The following HNF4G variants were observed in gnomAD, a reference collection of about 807,000 sequenced individuals.
The protein encoded by HNF4G is hepatocyte nuclear factor 4-gamma.
HNF4G carries 21 observed loss-of-function variants against 50.9 expected under a neutral mutation model. The ratio of observed to expected loss-of-function variants is 0.41; its 90% CI spans 0.29 to 0.59. The LOEUF (loss-of-function observed/expected upper bound fraction) is 0.59, where lower values mean the gene tolerates loss of function less well. Among genes scored for constraint, HNF4G ranks in the 20% least tolerant of loss-of-function variants. HNF4G has a pLI of 0.26. For missense variants in HNF4G, 527 were observed against 559.4 expected, an observed-to-expected ratio of 0.94 and a Z score of 0.58; for synonymous variants, 198 against 185.6, an observed-to-expected ratio of 1.07 and a Z score of -0.54.
chr8:75,485,368 T>C (rs2130667674), intron 1 of HNF4G, among the ~76,000 whole-genome samples: 1 of 152,316 alleles, frequency 6.6e-6, no homozygotes, highest in Admixed American at 6.5e-5. Context: ...ATCTTGTGAA[T>C]TGGCACACAA....
intron 1 of HNF4G, among the ~76,000 whole-genome samples, chr8:75,445,716 C>G (rs1811409756): frequency 7.1e-6 from 1 of 140,614 alleles, no homozygotes; most frequent in South Asian, 2.3e-4. Flanking sequence ...TACACTCTCC[C>G]AAGACTAAAC....
chr8:75,546,405 C>T (rs768043141), intron 2 of HNF4G, among the ~76,000 whole-genome samples: 1 of 151,970 alleles, frequency 6.6e-6, no homozygotes, highest in Non-Finnish European at 1.5e-5. Context: ...GTTAAGTATA[C>T]AAGTCAGTTT....
At chr8:75,540,179 C>T in intron 1 of HNF4G, 99 bp downstream of exon 1, 3 of 712,596 alleles carry the variant, frequency 4.2e-6, no homozygotes, top group Admixed American at 4.5e-5. Context: ...GTTTTTTTTG[C>T]TGGAGAGTTT....
At chr8:75,448,626 A>G (rs1471674013) in intron 1 of HNF4G, among the ~76,000 whole-genome samples, 2 of 151,804 alleles carry the variant, frequency 1.3e-5, no homozygotes, top group African/African-American at 4.8e-5. Flanking sequence ...GAAACTGATA[A>G]GTACTGCTGG....
At chr8:75,483,624 AT>A (rs1812431976) in intron 1 of HNF4G, among the ~76,000 whole-genome samples, 1 of 152,174 alleles carries the variant, frequency 6.6e-6, no homozygotes, top group African/African-American at 2.4e-5. Flanking sequence ...TAAACATACC[AT>A]TGGTGCAACT....
intron 1 of HNF4G, among the ~76,000 whole-genome samples, chr8:75,435,995 A>G (rs1301412499): frequency 1.3e-5 from 2 of 152,208 alleles, no homozygotes; most frequent in East Asian, 1.9e-4. Context: ...CAAATATGGC[A>G]TTCATGTGCA....
At chr8:75,540,169 G>GT (rs907291421) in intron 1 of HNF4G, 89 bp downstream of exon 1, 192 of 736,244 alleles carry the variant, frequency 2.6e-4, no homozygotes, top group South Asian at 4.2e-4. Context: ...GTGGCTCAAT[G>GT]TTTTTTTTGC....
At chr8:75,515,832 C>G (rs890686383) in intron 2 of HNF4G, among the ~76,000 whole-genome samples, 2 of 149,514 alleles carry the variant, frequency 1.3e-5, no homozygotes, top group African/African-American at 4.9e-5. Flanking sequence ...ATGGTGTGAT[C>G]TCGGCTCACC....
intron 1 of HNF4G, among the ~76,000 whole-genome samples, chr8:75,469,405 A>T (rs1812063434): frequency 6.6e-6 from 1 of 152,216 alleles, no homozygotes; most frequent in Non-Finnish European, 1.5e-5. Context: ...TCAGAGGGAC[A>T]GTATATGAAT....
intron 1 of HNF4G, among the ~76,000 whole-genome samples, chr8:75,457,382 T>C (rs1326865880): frequency 1.3e-5 from 2 of 152,184 alleles, no homozygotes; most frequent in Non-Finnish European, 2.9e-5. Flanking sequence ...ATCCTTAAGA[T>C]AGAAGGGAGA....
At chr8:75,464,453 C>A (rs561754624) in intron 1 of HNF4G, among the ~76,000 whole-genome samples, 1 of 152,084 alleles carries the variant, frequency 6.6e-6, no homozygotes, top group South Asian at 2.1e-4. Flanking sequence ...GTTTTTTACC[C>A]CCTCAAAGTT....
intron 1 of HNF4G, among the ~76,000 whole-genome samples, chr8:75,458,885 GAT>G (rs995665309): frequency 2.6e-5 from 4 of 151,852 alleles, no homozygotes; most frequent in Admixed American, 6.6e-5. Context: ...CTATTTAATG[GAT>G]ATGATATTAA....
At chr8:75,536,166 G>A (rs544652998), upstream of HNF4G, among the ~76,000 whole-genome samples, 8 of 151,902 alleles carry the variant, frequency 5.3e-5, no homozygotes, top group Non-Finnish European at 1.0e-4. Flanking sequence ...ACAGATACTG[G>A]AAAGCAATGT....
chr8:75,408,043 C>G (rs979639934), exon 1 of HNF4G: 1 of 152,136 alleles, frequency 6.6e-6, no homozygotes, highest in African/African-American at 2.4e-5. Context: ...GGAGGAGCCT[C>G]GGTTCCCCTC....
At chr8:75,413,717 C>T (rs1408362174) in intron 1 of HNF4G, among the ~76,000 whole-genome samples, 1 of 151,744 alleles carries the variant, frequency 6.6e-6, no homozygotes, top group Non-Finnish European at 1.5e-5. Flanking sequence ...TGAGCATGGG[C>T]ATGGTGGCGG....
intron 6 of HNF4G, among the ~76,000 whole-genome samples, chr8:75,557,857 T>A (rs917152624): frequency 6.6e-6 from 1 of 152,182 alleles, no homozygotes; most frequent in Non-Finnish European, 1.5e-5. Flanking sequence ...CATCATATTA[T>A]AGCTAGAGAA....
chr8:75,408,834 CA>C (rs1177158190), intron 1 of HNF4G, among the ~76,000 whole-genome samples: 1 of 152,196 alleles, frequency 6.6e-6, no homozygotes, highest in Non-Finnish European at 1.5e-5. Flanking sequence ...TCCAGAAGCT[CA>C]AAAGTGAATG....
rs954893073 is a variant in HNF4G at position 75,566,482 on chromosome 8, T to C, written c.*2386T>C. On this transcript the variant is annotated 3_prime_UTR_variant, in exon 10 of 10. Coordinates refer to ENST00000396423, the MANE Select transcript of HNF4G (RefSeq NM_004133.5). Reference sequence around the variant, plus strand: ...TATCTTTGAAATTGTTAGTAATGATTCTGCTTCAATAACTATGGTCAGGGA... The same window carrying C: ...TATCTTTGAAATTGTTAGTAATGATCCTGCTTCAATAACTATGGTCAGGGA... The C allele has an allele frequency of 4.6e-5, 7 of 152,572 alleles. No homozygotes were observed. Among genetic ancestry groups the C allele is most frequent in the African/African-American group, 1.7e-4 (7 of 41,446 alleles). The allele number at this position is 152,572 out of a possible 1,614,324, so 9.5% of individuals were successfully genotyped here. A position where few individuals can be genotyped will look rare whatever the true frequency, so the allele number is the denominator to read the frequency against.
intron 2 of HNF4G, among the ~76,000 whole-genome samples, chr8:75,497,720 C>T (rs1353950403): frequency 6.6e-6 from 1 of 151,674 alleles, no homozygotes; most frequent in Non-Finnish European, 1.5e-5. Flanking sequence ...AAAATGGTTT[C>T]ATGTAGCTGC....
Sources: gnomAD v4.1 joint callset for allele counts (sites outside exome capture counted in the v4.1 genomes callset) on GRCh38, gnomAD v4.1.1 for gene constraint, MANE v1.5 for transcripts, NCBI Gene and HGNC (gene_info 2026-07-23, HGNC 2026-07-21) for gene names.